Variants in KCNAB1 observed in about 807,000 individuals in gnomAD.
KCNAB1 encodes voltage-gated potassium channel subunit beta-1.
A neutral mutation model predicts 64.6 loss-of-function variants in KCNAB1; 35 were observed. The ratio of observed to expected loss-of-function variants is 0.54; its 90% CI spans 0.41 to 0.72. KCNAB1 has a LOEUF of 0.72. Ranked by LOEUF, KCNAB1 falls within the 30% of genes least tolerant of loss-of-function variation. The pLI, the probability that KCNAB1 is intolerant of heterozygous loss-of-function variation, is 0.00. For missense variants in KCNAB1, 401 were observed against 512.9 expected (o/e 0.78, Z 2.11); for synonymous variants, 177 against 183.8 (o/e 0.96, Z 0.30).
chr3:156,185,753 G>C (rs879099779), intron 1 of KCNAB1, among the ~76,000 whole-genome samples: 1 of 151,298 alleles, frequency 6.6e-6, no homozygotes, highest in African/African-American at 2.4e-5. Context: ...TTTTTTTCTC[G>C]TATAGGGAGG....
intron 2 of KCNAB1, among the ~76,000 whole-genome samples, chr3:156,428,341 A>C (rs1715966286): frequency 6.6e-6 from 1 of 152,188 alleles, no homozygotes; most frequent in Admixed American, 6.5e-5. Flanking sequence ...TCAAACTGAA[A>C]CATCAGCCTT....
At chr3:156,364,041 G>A (rs1576776777) in intron 1 of KCNAB1, among the ~76,000 whole-genome samples, 1 of 152,112 alleles carries the variant, frequency 6.6e-6, no homozygotes, top group African/African-American at 2.4e-5. Flanking sequence ...ACAATACTTG[G>A]CACTTTCTCA....
At chr3:156,315,542 C>T (rs1722218824) in intron 1 of KCNAB1, among the ~76,000 whole-genome samples, 1 of 152,140 alleles carries the variant, frequency 6.6e-6, no homozygotes, top group African/African-American at 2.4e-5. Flanking sequence ...CAAATATCTA[C>T]TTACCTCCAA....
At chr3:156,297,043 T>C (rs530291900) in intron 1 of KCNAB1, among the ~76,000 whole-genome samples, 1 of 152,294 alleles carries the variant, frequency 6.6e-6, no homozygotes, top group East Asian at 1.9e-4. Flanking sequence ...TGCCTATGTA[T>C]ATTTATCACA....
chr3:156,216,605 C>A (rs888781152), intron 1 of KCNAB1, among the ~76,000 whole-genome samples: 3 of 152,130 alleles, frequency 2.0e-5, no homozygotes, highest in Non-Finnish European at 2.9e-5. Flanking sequence ...CTAGTACTAA[C>A]CCTGTGCATG....
intron 3 of KCNAB1, 146 bp from the exon 4 acceptor site, chr3:156,457,307 T>C: frequency 2.8e-6 from 4 of 1,427,426 alleles, no homozygotes; most frequent in Non-Finnish European, 2.7e-6. Flanking sequence ...CTGAGACTTC[T>C]TTCTTTCCCT....
At chr3:156,177,179 G>A (rs890273759) in intron 1 of KCNAB1, among the ~76,000 whole-genome samples, 3 of 152,108 alleles carry the variant, frequency 2.0e-5, no homozygotes, top group African/African-American at 7.2e-5. Context: ...AACTCACAAA[G>A]CAATTTCAGG....
rs528626202 is a variant in KCNAB1 at position 156,206,898 on chromosome 3, GA to G, written c.275+86018del. Among the ~76,000 whole-genome samples the G allele has an allele frequency of 9.0e-3, 1,364 of 152,186 alleles. 30 individuals carry two copies. Among genetic ancestry groups the G allele is most frequent in the African/African-American group, 0.03 (1,264 of 41,518 alleles). On this transcript the variant is annotated intron_variant, in intron 1 of 13. Coordinates refer to ENST00000490337, the MANE Select transcript of KCNAB1 (RefSeq NM_172160.3). ...CAGTAAAAGCAAAGGACTTACACAA[GA>G]AAAAATCAGGAATTTCTGTTTCTCA... is the stretch of plus-strand genomic sequence containing the variant.
chr3:156,300,782 G>A (rs778144561), intron 1 of KCNAB1, among the ~76,000 whole-genome samples: 1 of 152,110 alleles, frequency 6.6e-6, no homozygotes, highest in Non-Finnish European at 1.5e-5. Context: ...GGTGACAGTT[G>A]AAGTTTCTTG....
At chr3:156,186,906 C>G (rs1317961174) in intron 1 of KCNAB1, among the ~76,000 whole-genome samples, 1 of 150,514 alleles carries the variant, frequency 6.6e-6, no homozygotes, top group Non-Finnish European at 1.5e-5. Context: ...GGCTGGAGTG[C>G]AATGGTGTGA....
At chr3:156,320,291 T>C (rs981519520) in intron 1 of KCNAB1, among the ~76,000 whole-genome samples, 2 of 152,220 alleles carry the variant, frequency 1.3e-5, no homozygotes, top group Non-Finnish European at 2.9e-5. Flanking sequence ...ACATTTTCCT[T>C]AAACAAAATA....
chr3:156,472,699 A>G (rs1714013291), intron 7 of KCNAB1, among the ~76,000 whole-genome samples: 1 of 152,352 alleles, frequency 6.6e-6, no homozygotes, highest in South Asian at 2.1e-4. Context: ...TCAAGTCCAT[A>G]TCATTAGTTC....
chr3:156,161,758 TG>T (rs1283246805), intron 1 of KCNAB1, among the ~76,000 whole-genome samples: 2 of 152,256 alleles, frequency 1.3e-5, no homozygotes, highest in African/African-American at 4.8e-5. Flanking sequence ...GTTGTTGACT[TG>T]TCTACAAAAT....
At chr3:156,196,890 C>T (rs949307227) in intron 1 of KCNAB1, among the ~76,000 whole-genome samples, 5 of 152,154 alleles carry the variant, frequency 3.3e-5, no homozygotes, top group Admixed American at 6.6e-5. Flanking sequence ...AATTTTCAAA[C>T]GGAATGCTTC....
intron 1 of KCNAB1, among the ~76,000 whole-genome samples, chr3:156,280,932 T>A (rs1176662360): frequency 2.0e-5 from 3 of 148,668 alleles, no homozygotes; most frequent in Middle Eastern, 3.5e-3. Flanking sequence ...TGACTTCCTC[T>A]TTTCCTAATT....
intron 1 of KCNAB1, among the ~76,000 whole-genome samples, chr3:156,358,109 G>C (rs1339522001): frequency 6.6e-6 from 1 of 152,136 alleles, no homozygotes; most frequent in Non-Finnish European, 1.5e-5. Context: ...GCCACCTGTG[G>C]CTAGTAGCTA....
intron 11 of KCNAB1, among the ~76,000 whole-genome samples, chr3:156,522,113 A>G (rs185548580): frequency 2.9e-3 from 192 of 66,498 alleles, no homozygotes; most frequent in African/African-American, 8.4e-3. Context: ...AAAAGTTACA[A>G]AAGATTGATT....
chr3:156,439,520 C>T (rs575173178), intron 2 of KCNAB1, among the ~76,000 whole-genome samples: 1 of 152,322 alleles, frequency 6.6e-6, no homozygotes, highest in East Asian at 1.9e-4. Flanking sequence ...CCAAGCGGAC[C>T]TTAAAATCTC....
chr3:156,457,079 T>C (rs1358005285), intron 3 of KCNAB1: 1 of 378,012 alleles, frequency 2.6e-6, no homozygotes, highest in East Asian at 1.4e-4. Flanking sequence ...GTTATTGGCT[T>C]GGAGAAAGGA....
Sources: allele counts gnomAD v4.1 joint callset (sites outside exome capture counted in the v4.1 genomes callset), GRCh38; gene constraint gnomAD v4.1.1; transcripts MANE v1.5; gene names NCBI Gene and HGNC (gene_info 2026-07-23, HGNC 2026-07-21).